Variants in CDH23 observed in about 807,000 individuals in gnomAD.
The protein encoded by CDH23 is cadherin related 23, also known as cadherin-23.
Under a neutral mutation model 317.1 loss-of-function variants are expected in CDH23, and 189 were observed. That is an observed-to-expected ratio of 0.60 (90% CI 0.53 to 0.67). CDH23 has a LOEUF of 0.67. Among genes scored for constraint, CDH23 ranks in the 30% least tolerant of loss-of-function variants. The pLI, the probability that CDH23 is intolerant of heterozygous loss-of-function variation, is 0.00. For missense variants in CDH23, 4,401 were observed against 4,592.4 expected (o/e 0.96, Z 1.20); for synonymous variants, 1,839 against 1,876.8 (o/e 0.98, Z 0.52).
chr10:71,787,319 ATTTTTTTT>A, intron 44 of CDH23, among the ~76,000 whole-genome samples: 1 of 126,386 alleles, frequency 7.9e-6, no homozygotes, highest in Admixed American at 8.0e-5. Context: ...CGCTTTTCAG[ATTTTTTTT>A]TTTTTTTTTT....
intron 48 of CDH23, chr10:71,795,853 T>TCCCCC (rs1841387446): frequency 1.0e-6 from 1 of 987,204 alleles, no homozygotes; most frequent in Non-Finnish European, 1.2e-6. Context: ...GAGCTCTGTT[T>TCCCCC]CTCTGTCACT....
chr10:71,694,535 C>T (rs1865304551), intron 21 of CDH23, among the ~76,000 whole-genome samples: 1 of 152,122 alleles, frequency 6.6e-6, no homozygotes, highest in Non-Finnish European at 1.5e-5. Flanking sequence ...GGGCAGGTGG[C>T]AGAAGGCATG....
chr10:71,605,346 G>A lies in CDH23; in HGVS notation c.833-10158G>A, dbSNP rs1860470541. Among the ~76,000 whole-genome samples the A allele has an allele frequency of 2.0e-5, 3 of 152,072 alleles. No individual in the cohort carries two copies. In the South Asian group the frequency reaches 6.2e-4, roughly 31 times the overall value. On this transcript the variant is annotated intron_variant, in intron 9 of 69. Transcript: ENST00000224721. ...AATGGTTCTTCATTGGGGCGATTGT[G>A]CCTCTCAGGAGACATTTGGCAATGT...
chr10:71,730,384 C>T (rs1839329998), intron 30 of CDH23, 85 bp from the exon 31 acceptor site: 5 of 1,529,414 alleles, frequency 3.3e-6, no homozygotes, highest in African/African-American at 1.4e-5. Context: ...GCAGTGACCA[C>T]ACAAGGCGGC....
intron 6 of CDH23, among the ~76,000 whole-genome samples, chr10:71,548,741 T>C (rs1219921554): frequency 1.3e-5 from 2 of 152,216 alleles, no homozygotes; most frequent in Non-Finnish European, 2.9e-5. Flanking sequence ...AAAGACTTCA[T>C]TTAAGATCAG....
intron 14 of CDH23, among the ~76,000 whole-genome samples, chr10:71,654,926 G>A (rs1863352424): frequency 6.6e-6 from 1 of 152,184 alleles, no homozygotes; most frequent in South Asian, 2.1e-4. Flanking sequence ...GGCAAGTCCA[G>A]ATTCAAGGAG....
intron 1 of CDH23, among the ~76,000 whole-genome samples, chr10:71,407,209 C>A (rs533751476): frequency 7.3e-4 from 111 of 152,314 alleles, no homozygotes; most frequent in African/African-American, 2.6e-3. Context: ...CAGATGGAAA[C>A]TGAACTCAAG....
At chr10:71,799,430 G>A in intron 51 of CDH23, 62 bp from the exon 52 acceptor site, 1 of 1,611,652 alleles carries the variant, frequency 6.2e-7, no homozygotes, top group Non-Finnish European at 8.5e-7. Flanking sequence ...GAGTTCTAGG[G>A]CTGTGCTCGG....
chr10:71,524,039 T>G (rs1195946333), intron 6 of CDH23, among the ~76,000 whole-genome samples: 3 of 152,234 alleles, frequency 2.0e-5, no homozygotes, highest in African/African-American at 7.2e-5. Flanking sequence ...CTTCCATTCC[T>G]AATTCATCCC....
chr10:71,693,913 A>T (rs759750161), intron 20 of CDH23, among the ~76,000 whole-genome samples: 5 of 151,814 alleles, frequency 3.3e-5, no homozygotes, highest in African/African-American at 1.2e-4. Flanking sequence ...TTTCCTCCTC[A>T]TGGGGTTATG....
At chr10:71,649,913 C>G (rs1387230765) in intron 14 of CDH23, among the ~76,000 whole-genome samples, 1 of 152,166 alleles carries the variant, frequency 6.6e-6, no homozygotes, top group African/African-American at 2.4e-5. Flanking sequence ...TTGCTCAGGG[C>G]CCCAGGGCTA....
chr10:71,563,105 G>A (rs1361491782), intron 6 of CDH23, among the ~76,000 whole-genome samples: 1 of 152,090 alleles, frequency 6.6e-6, no homozygotes, highest in Non-Finnish European at 1.5e-5. Flanking sequence ...ATCTCTTTGG[G>A]TGGGGTGGAA....
intron 1 of CDH23, among the ~76,000 whole-genome samples, chr10:71,403,169 G>T (rs1847865709): frequency 6.6e-6 from 1 of 151,914 alleles, no homozygotes; most frequent in African/African-American, 2.4e-5. Context: ...AACAAATCCA[G>T]CAGTCTGTAT....
chr10:71,571,030 G>T, intron 8 of CDH23, 112 bp downstream of exon 8: 2 of 1,220,804 alleles, frequency 1.6e-6, no homozygotes, highest in Non-Finnish European at 2.3e-6. Context: ...TGGCTCCTCC[G>T]CAGTCCCTGT....
chr10:71,812,255 G>A, intron 66 of CDH23: 1 of 1,599,152 alleles, frequency 6.3e-7, no homozygotes, highest in Non-Finnish European at 8.5e-7. Context: ...AGTGGGTGCA[G>A]GGTGAAGCCT....
chr10:71,570,906 G>C lies in CDH23; in HGVS notation c.741G>C (p.Glu247Asp), dbSNP rs766217256. ...INLPYSTNIY[E>D]HSPPGTTVRI... is the part of the protein sequence containing the mutation. The stretch of plus-strand genomic sequence containing the variant: ...TGCCTTACAGCACCAACATCTACGA[G>C]CATTCTCCTCCGGTAAGACTCCTGG... Residue 247 changes from glutamate (E) to aspartate (D), a missense_variant, in exon 8 of 70, where the codon GAG (glutamate) becomes GAC (aspartate). Transcript: ENST00000224721. The C allele has an allele frequency of 1.2e-6, 2 of 1,613,962 alleles. No individual in the cohort carries two copies. The highest frequency in any genetic ancestry group is 8.5e-7 in the Non-Finnish European group (1 of 1,179,860).
intron 14 of CDH23, among the ~76,000 whole-genome samples, chr10:71,662,522 G>A (rs902412752): frequency 4.6e-5 from 7 of 152,146 alleles, no homozygotes; most frequent in Admixed American, 6.5e-5. Context: ...ATGGTAGGAG[G>A]CGTCATTACC....
At chr10:71,694,011 G>A (rs1035221865) in intron 20 of CDH23, 136 bp from the exon 21 acceptor site, 11 of 740,142 alleles carry the variant, frequency 1.5e-5, no homozygotes, top group South Asian at 3.1e-5. Context: ...CATCCAGGCC[G>A]CCAGATCATG....
intron 14 of CDH23, among the ~76,000 whole-genome samples, chr10:71,669,356 A>T (rs867266693): frequency 9.9e-5 from 15 of 151,908 alleles, no homozygotes; most frequent in Admixed American, 2.6e-4. Flanking sequence ...CTTCAAGCCC[A>T]CTTTCAGCCT....
Sources: allele counts gnomAD v4.1 joint callset (sites outside exome capture counted in the v4.1 genomes callset), GRCh38; gene constraint gnomAD v4.1.1; transcripts MANE v1.5; gene names NCBI Gene and HGNC (gene_info 2026-07-23, HGNC 2026-07-21).